PTH2R: variants seen among roughly 807,000 people sequenced by gnomAD.
PTH2R encodes the protein PTH2 receptor.
PTH2R carries 59 observed loss-of-function variants against 60.3 expected under a neutral mutation model. That is an observed-to-expected ratio of 0.98 (90% confidence interval 0.79 to 1.22). The LOEUF is 1.22. Among genes scored for constraint, PTH2R ranks in the 50% most tolerant of loss-of-function variants. The pLI is 0.00. For synonymous variants in PTH2R, 256 were observed against 243.8 expected, an observed-to-expected ratio of 1.05 and a Z score of -0.47; for missense variants, 749 against 682.6, an observed-to-expected ratio of 1.10 and a Z score of -1.08.
intron 1 of PTH2R, among the ~76,000 whole-genome samples, chr2:208,427,415 TGTTGTA>T (rs1317192392): frequency 2.2e-4 from 33 of 152,186 alleles, no homozygotes; most frequent in Non-Finnish European, 3.8e-4. Flanking sequence ...TCAGAATCCA[TGTTGTA>T]TTATATTGAT....
chr2:208,456,369 G>A (rs182613491), intron 8 of PTH2R, among the ~76,000 whole-genome samples: 23 of 152,244 alleles, frequency 1.5e-4, no homozygotes, highest in Middle Eastern at 3.4e-3. Flanking sequence ...CACCTTACAC[G>A]GTAATCTGAT....
intron 7 of PTH2R, among the ~76,000 whole-genome samples, chr2:208,448,523 G>T (rs973441036): frequency 1.3e-5 from 2 of 150,942 alleles, no homozygotes; most frequent in Admixed American, 6.6e-5. Context: ...AGTCCCAGCT[G>T]CTGGGGAGGC....
chr2:208,461,696 T>A (rs772439446), intron 9 of PTH2R, among the ~76,000 whole-genome samples: 1 of 152,160 alleles, frequency 6.6e-6, no homozygotes, highest in Non-Finnish European at 1.5e-5. Context: ...CAAAGGACAG[T>A]GGAGAAAAGG....
chr2:208,481,689 T>C (rs981538424), intron 10 of PTH2R, among the ~76,000 whole-genome samples: 3 of 152,240 alleles, frequency 2.0e-5, no homozygotes, highest in Non-Finnish European at 4.4e-5. Flanking sequence ...TTTTAAGATC[T>C]GTTTTTAGCA....
intron 1 of PTH2R, among the ~76,000 whole-genome samples, chr2:208,414,471 T>A (rs1162345809): frequency 2.6e-5 from 4 of 152,182 alleles, no homozygotes; most frequent in Non-Finnish European, 4.4e-5. Context: ...TTCCCCCAAG[T>A]TCAATAAAAG....
chr2:208,427,333 T>C (rs974205696), intron 1 of PTH2R, among the ~76,000 whole-genome samples: 1 of 152,204 alleles, frequency 6.6e-6, no homozygotes, highest in African/African-American at 2.4e-5. Context: ...CAGAGACTCA[T>C]GTATATCCAG....
chr2:208,456,686 A>C (rs1418806415), intron 8 of PTH2R, among the ~76,000 whole-genome samples: 2 of 152,222 alleles, frequency 1.3e-5, no homozygotes, highest in African/African-American at 4.8e-5. Context: ...TCCACTTTCT[A>C]GTCAGACCTT....
At chr2:208,440,728 C>A (rs1408676863) in intron 4 of PTH2R, among the ~76,000 whole-genome samples, 1 of 152,174 alleles carries the variant, frequency 6.6e-6, no homozygotes, top group Non-Finnish European at 1.5e-5. Flanking sequence ...CAGACAAGGG[C>A]TAGCATAAAG....
intron 1 of PTH2R, among the ~76,000 whole-genome samples, chr2:208,376,161 C>A (rs1039393038): frequency 3.9e-5 from 6 of 152,086 alleles, no homozygotes; most frequent in Non-Finnish European, 7.3e-5. Flanking sequence ...CATTTAGCCT[C>A]GTGGTATTTC....
intron 1 of PTH2R, among the ~76,000 whole-genome samples, chr2:208,371,237 T>C (rs12694110): frequency 0.48 from 73,600 of 151,906 alleles, 18,933 homozygotes; most frequent in Admixed American, 0.57. Flanking sequence ...AAACTGAAAA[T>C]ATTGGAACAA....
intron 1 of PTH2R, among the ~76,000 whole-genome samples, chr2:208,394,438 C>T (rs1701166639): frequency 6.6e-6 from 1 of 151,874 alleles, no homozygotes; most frequent in Non-Finnish European, 1.5e-5. Context: ...TAGGGGGTGT[C>T]CCCCCCACCA....
chr2:208,444,828 T>C lies in PTH2R; in HGVS notation c.794T>C (p.Ile265Thr), dbSNP rs1702257080. 1.2e-6 allele frequency: 2 copies of C among 1,614,046 alleles called. No homozygotes were observed. Among genetic ancestry groups the C allele is most frequent in the East Asian group, 2.2e-5 (1 of 44,858 alleles). Residue 265 changes from isoleucine to threonine, a missense_variant, in exon 7 of 13, where the codon ATC becomes ACC. Transcript: ENST00000272847. The stretch of plus-strand genomic sequence containing the variant: ...GAAGGTCTCTACCTGCATAATCTCA[T>C]CTTTGTGGCTTTCTTTTCGGACACC... Reference protein sequence around the residue: ...LVEGLYLHNLIFVAFFSDTKY... With the variant: ...LVEGLYLHNLTFVAFFSDTKY...
intron 1 of PTH2R, among the ~76,000 whole-genome samples, chr2:208,381,601 G>A (rs1700915944): frequency 6.6e-6 from 1 of 151,984 alleles, no homozygotes; most frequent in Admixed American, 6.6e-5. Context: ...CTTAAATTTT[G>A]AATAAGTTGC....
intron 8 of PTH2R, among the ~76,000 whole-genome samples, chr2:208,458,446 TA>T (rs1230343074): frequency 6.6e-6 from 1 of 152,174 alleles, no homozygotes; most frequent in African/African-American, 2.4e-5. Flanking sequence ...CAAAGATTTT[TA>T]AAAAAATTTT....
At chr2:208,470,616 C>A (rs1702861211) in intron 9 of PTH2R, among the ~76,000 whole-genome samples, 1 of 151,470 alleles carries the variant, frequency 6.6e-6, no homozygotes, top group Non-Finnish European at 1.5e-5. Context: ...GAGGCATCCC[C>A]AGCCGCATGG....
rs535230863 is a variant in PTH2R at position 208,406,819 on chromosome 2, C to T, written c.-225C>T. The stretch of plus-strand genomic sequence containing the variant: ...GACTCGGGCCAGTCTCTCCGGAAGA[C>T]AAGACCAACCTCGCGCCGCGGCGCA... On this transcript the variant is annotated 5_prime_UTR_variant, in exon 1 of 13. Transcript: ENST00000272847. 7.8e-6 allele frequency: 3 copies of T among 383,016 alleles called. No homozygotes were observed. Among genetic ancestry groups the T allele is most frequent in the African/African-American group, 6.2e-5 (3 of 48,262 alleles). The allele number at this position is 383,016 out of a possible 1,614,324, so 23.7% of individuals were successfully genotyped here. A position where few individuals can be genotyped will look rare whatever the true frequency, so the allele number is the denominator to read the frequency against.
intron 1 of PTH2R, among the ~76,000 whole-genome samples, chr2:208,422,883 G>A (rs1816614): frequency 0.99 from 151,109 of 152,290 alleles, 74,981 homozygotes; most frequent in Middle Eastern, 1. Context: ...GATGTTCTTT[G>A]TAGCCAAACC....
chr2:208,415,724 T>TC (rs1409864786), intron 1 of PTH2R, among the ~76,000 whole-genome samples: 1 of 152,170 alleles, frequency 6.6e-6, no homozygotes, highest in African/African-American at 2.4e-5. Flanking sequence ...TCCCAGCTGA[T>TC]AGCACAGCAT....
At chr2:208,438,149 T>C (rs74511081) in intron 4 of PTH2R, among the ~76,000 whole-genome samples, 1 of 188 alleles carries the variant, frequency 5.3e-3, no homozygotes, top group Non-Finnish European at 0.017. Flanking sequence ...CATTGTTTAC[T>C]TGCATTATAT....
Sources: gnomAD v4.1 joint callset for allele counts (sites outside exome capture counted in the v4.1 genomes callset) on GRCh38, gnomAD v4.1.1 for gene constraint, MANE v1.5 for transcripts, NCBI Gene and HGNC (gene_info 2026-07-23, HGNC 2026-07-21) for gene names.